Variants in DKK2 observed in about 807,000 individuals in gnomAD.
The protein encoded by DKK2 is dickkopf-related protein 2.
Under a neutral mutation model 28.1 loss-of-function variants are expected in DKK2, and 11 were observed. The ratio of observed to expected loss-of-function variants is 0.39; its 90% confidence interval spans 0.25 to 0.65. DKK2 has a LOEUF of 0.65. DKK2 is among the 30% of genes least tolerant of loss of function. DKK2 has a pLI of 0.47. For synonymous variants in DKK2, 135 were observed against 126.5 expected, an observed-to-expected ratio of 1.07 and a Z score of -0.45; for missense variants, 326 against 335.5, an observed-to-expected ratio of 0.97 and a Z score of 0.22.
intron 1 of DKK2, among the ~76,000 whole-genome samples, chr4:106,985,457 C>T (rs1236913245): frequency 6.6e-6 from 1 of 151,976 alleles, no homozygotes. Flanking sequence ...GATGTCTTTA[C>T]ATTATTTATT....
At chr4:107,009,198 AC>A (rs2110368218) in intron 1 of DKK2, among the ~76,000 whole-genome samples, 1 of 152,020 alleles carries the variant, frequency 6.6e-6, no homozygotes, top group East Asian at 1.9e-4. Context: ...GTCTTCAACC[AC>A]AGAAAAAAAA....
At chr4:106,948,637 T>C (rs1287667303) in intron 1 of DKK2, among the ~76,000 whole-genome samples, 1 of 152,180 alleles carries the variant, frequency 6.6e-6, no homozygotes, top group African/African-American at 2.4e-5. Context: ...CTGAATTTAG[T>C]ATCTCTTATA....
chr4:106,983,321 AAAGAAAGG>A (rs1308162308), intron 1 of DKK2, among the ~76,000 whole-genome samples: 7 of 114,026 alleles, frequency 6.1e-5, no homozygotes, highest in East Asian at 2.4e-4. Context: ...AAGAAAGAAG[AAAGAAAGG>A]AAGAAAGGAA....
chr4:106,951,387 T>C (rs1439494806), intron 1 of DKK2, among the ~76,000 whole-genome samples: 2 of 152,148 alleles, frequency 1.3e-5, no homozygotes, highest in Non-Finnish European at 1.5e-5. Flanking sequence ...TACATTCACA[T>C]GTTTACTGCA....
intron 1 of DKK2, among the ~76,000 whole-genome samples, chr4:106,928,083 A>G (rs530335198): frequency 6.6e-6 from 1 of 152,164 alleles, no homozygotes; most frequent in African/African-American, 2.4e-5. Flanking sequence ...CTGCCAAAAA[A>G]TTGTGAATGG....
intron 1 of DKK2, among the ~76,000 whole-genome samples, chr4:106,931,205 C>T (rs564301825): frequency 1.3e-5 from 2 of 152,030 alleles, no homozygotes; most frequent in South Asian, 4.2e-4. Flanking sequence ...AACATCAGGC[C>T]AGGGGGATTG....
At chr4:106,957,253 A>G (rs979421090) in intron 1 of DKK2, among the ~76,000 whole-genome samples, 88 of 150,944 alleles carry the variant, frequency 5.8e-4, no homozygotes, top group African/African-American at 2.1e-3. Context: ...TCAGGAAACA[A>G]CAGGTGCTGG....
At chr4:107,035,161 A>G (rs1027335011) in intron 1 of DKK2, among the ~76,000 whole-genome samples, 1 of 151,828 alleles carries the variant, frequency 6.6e-6, no homozygotes, top group African/African-American at 2.4e-5. Flanking sequence ...CAGAATCCTA[A>G]CCCTTTGACT....
intron 1 of DKK2, among the ~76,000 whole-genome samples, chr4:106,990,999 G>A (rs1723196008): frequency 6.6e-6 from 1 of 152,124 alleles, no homozygotes; most frequent in Non-Finnish European, 1.5e-5. Flanking sequence ...GCATCAGATT[G>A]TTTATTTGTT....
At chr4:106,992,910 G>A (rs749005953) in intron 1 of DKK2, among the ~76,000 whole-genome samples, 15 of 152,182 alleles carry the variant, frequency 9.9e-5, no homozygotes, top group Admixed American at 6.5e-5. Flanking sequence ...GACCTCAACA[G>A]GTGTCTTTGT....
intron 1 of DKK2, among the ~76,000 whole-genome samples, chr4:106,999,641 G>C (rs572599526): frequency 6.6e-6 from 1 of 152,054 alleles, no homozygotes; most frequent in Non-Finnish European, 1.5e-5. Context: ...CACCGTGCCC[G>C]GCCCTGTATC....
intron 1 of DKK2, among the ~76,000 whole-genome samples, chr4:107,013,165 T>C (rs1723539181): frequency 6.6e-6 from 1 of 151,104 alleles, no homozygotes; most frequent in Non-Finnish European, 1.5e-5. Flanking sequence ...ATAGATGATA[T>C]ACAGAAATAA....
At chr4:107,013,036 A>G (rs1474089175) in intron 1 of DKK2, among the ~76,000 whole-genome samples, 2 of 151,090 alleles carry the variant, frequency 1.3e-5, no homozygotes, top group Middle Eastern at 3.2e-3. Flanking sequence ...AACAATACCA[A>G]TAATTTGCCT....
At chr4:106,937,785 A>G (rs1448901946) in intron 1 of DKK2, among the ~76,000 whole-genome samples, 1 of 150,878 alleles carries the variant, frequency 6.6e-6, no homozygotes, top group Admixed American at 6.6e-5. Context: ...CCACAGTGCA[A>G]TCAAACTAGA....
intron 1 of DKK2, among the ~76,000 whole-genome samples, chr4:106,933,024 C>A (rs1724525229): frequency 6.6e-6 from 1 of 152,054 alleles, no homozygotes; most frequent in South Asian, 2.1e-4. Context: ...GCAGTGTTTC[C>A]CTGCTTACTT....
chr4:106,955,907 C>G (rs999599351), intron 1 of DKK2, among the ~76,000 whole-genome samples: 1 of 152,134 alleles, frequency 6.6e-6, no homozygotes, highest in African/African-American at 2.4e-5. Flanking sequence ...ATCCCTCAGC[C>G]CTGCTCCCTG....
chr4:106,962,351 T>C (rs1408965306), intron 1 of DKK2, among the ~76,000 whole-genome samples: 1 of 152,070 alleles, frequency 6.6e-6, no homozygotes, highest in African/African-American at 2.4e-5. Context: ...AAAGCAATCC[T>C]GAGCACATAG....
At chr4:107,020,837 G>C (rs1015034988) in intron 1 of DKK2, among the ~76,000 whole-genome samples, 1 of 151,980 alleles carries the variant, frequency 6.6e-6, no homozygotes, top group Admixed American at 6.6e-5. Context: ...CACCAGACTG[G>C]ACTCTGGAGA....
intron 1 of DKK2, among the ~76,000 whole-genome samples, chr4:106,954,152 G>T (rs771277104): frequency 2.0e-5 from 3 of 152,148 alleles, no homozygotes; most frequent in Non-Finnish European, 1.5e-5. Context: ...TAACCTGCAG[G>T]ATGGAAAGTT....
Sources: gnomAD v4.1 joint callset for allele counts (sites outside exome capture counted in the v4.1 genomes callset) on GRCh38, gnomAD v4.1.1 for gene constraint, MANE v1.5 for transcripts, NCBI Gene and HGNC (gene_info 2026-07-23, HGNC 2026-07-21) for gene names.